Variants in LPA observed in about 807,000 individuals in gnomAD.
The protein encoded by LPA is apolipoprotein(a).
In LPA, 199 loss-of-function variants were observed where a neutral mutation model predicts 197.9. That is an observed-to-expected ratio of 1.01 (90% CI 0.90 to 1.13). The LOEUF is 1.13. Ranked by LOEUF, LPA falls within the 50% of genes most tolerant of loss-of-function variation. The pLI, the probability that LPA is intolerant of heterozygous loss-of-function variation, is 0.00. For missense variants in LPA, 1,853 were observed against 1,785.8 expected, an observed-to-expected ratio of 1.04 and a Z score of -0.68; for synonymous variants, 715 against 639.5, an observed-to-expected ratio of 1.12 and a Z score of -1.78.
chr6:160,560,192 A>G (rs896847455), intron 28 of LPA, among the ~76,000 whole-genome samples: 1 of 152,160 alleles, frequency 6.6e-6, no homozygotes, highest in East Asian at 1.9e-4. Flanking sequence ...TCTATCATTG[A>G]TGGGCATTTC....
At chr6:160,578,959 C>T (rs535040197) in intron 26 of LPA, among the ~76,000 whole-genome samples, 34 of 152,304 alleles carry the variant, frequency 2.2e-4, no homozygotes, top group African/African-American at 8.2e-4. Context: ...TGAGATAATA[C>T]ATGTCTGTAC....
intron 2 of LPA, among the ~76,000 whole-genome samples, chr6:160,648,007 A>T (rs1454471437): frequency 3.9e-5 from 6 of 152,154 alleles, no homozygotes; most frequent in Non-Finnish European, 7.4e-5. Context: ...AAGCCTGCTG[A>T]TTCCAAAGTC....
chr6:160,546,970 A>G (rs577232089), intron 32 of LPA, among the ~76,000 whole-genome samples: 1 of 152,310 alleles, frequency 6.6e-6, no homozygotes, highest in South Asian at 2.1e-4. Flanking sequence ...CATAGAGGGC[A>G]TCTCTGACTA....
At chr6:160,593,371 T>C (rs1779067298) in intron 22 of LPA, among the ~76,000 whole-genome samples, 1 of 152,106 alleles carries the variant, frequency 6.6e-6, no homozygotes, top group Admixed American at 6.6e-5. Context: ...CTGAACTGGG[T>C]TTCTGTCCAT....
rs200920617 is a variant in LPA, at chr6:160,578,515, T to C, written c.4471+8A>G. On this transcript the variant is annotated splice_region_variant and intron_variant, in intron 27 of 38. Coordinates refer to ENST00000316300, the MANE Select transcript of LPA (RefSeq NM_005577.4). Reference sequence around the variant, plus strand: ...CAGTATATAGATGTCTAACCACAAATTTCTTACCTTGTTCAGAAGGAGCCT... The same window carrying C: ...CAGTATATAGATGTCTAACCACAAACTTCTTACCTTGTTCAGAAGGAGCCT... The C allele has an allele frequency of 6.8e-5, 109 of 1,613,664 alleles. No homozygotes were observed. Among genetic ancestry groups the C allele is most frequent in the Non-Finnish European group, 8.8e-5 (104 of 1,179,732 alleles).
At chr6:160,660,756 G>A (rs1354358966) in intron 1 of LPA, among the ~76,000 whole-genome samples, 2 of 150,854 alleles carry the variant, frequency 1.3e-5, no homozygotes, top group African/African-American at 2.4e-5. Context: ...CTCATCTTGG[G>A]CAAAAATTAA....
At chr6:160,576,026 A>G (rs902235428) in intron 28 of LPA, among the ~76,000 whole-genome samples, 5 of 152,086 alleles carry the variant, frequency 3.3e-5, no homozygotes, top group Non-Finnish European at 5.9e-5. Flanking sequence ...GATGAAATAC[A>G]GCACACTTAT....
intron 28 of LPA, among the ~76,000 whole-genome samples, chr6:160,568,269 A>T (rs1778499225): frequency 6.6e-6 from 1 of 152,242 alleles, no homozygotes; most frequent in Non-Finnish European, 1.5e-5. Context: ...ATCCAGCAGC[A>T]CATCAAAAAG....
chr6:160,653,765 AC>A (rs1361468719), intron 1 of LPA, among the ~76,000 whole-genome samples: 7 of 148,672 alleles, frequency 4.7e-5, no homozygotes, highest in Non-Finnish European at 1.0e-4. Flanking sequence ...TCAATAAAAT[AC>A]CAGCAATTGA....
chr6:160,592,303 T>G (rs189391597), intron 22 of LPA, among the ~76,000 whole-genome samples: 1 of 152,348 alleles, frequency 6.6e-6, no homozygotes, highest in East Asian at 1.9e-4. Flanking sequence ...CACCTTTTCC[T>G]ACCATAATAT....
intron 2 of LPA, among the ~76,000 whole-genome samples, chr6:160,647,163 TG>T (rs1779903657): frequency 1.3e-5 from 2 of 152,008 alleles, no homozygotes; most frequent in Non-Finnish European, 2.9e-5. Context: ...ACTCCAGAAC[TG>T]GGGGATGAGT....
intron 27 of LPA, among the ~76,000 whole-genome samples, chr6:160,577,588 G>T (rs1219063059): frequency 1.3e-5 from 2 of 152,150 alleles, no homozygotes; most frequent in African/African-American, 2.4e-5. Context: ...GTTTTCATGA[G>T]AACCACAGGG....
At chr6:160,577,428 A>G in intron 27 of LPA, 133 bp from the exon 28 acceptor site, 3 of 747,610 alleles carry the variant, frequency 4.0e-6, no homozygotes, top group Middle Eastern at 2.4e-4. Context: ...TAGCAAAAGG[A>G]TGTGAAAAGA....
chr6:160,536,194 T>C (rs1036957981), intron 37 of LPA, among the ~76,000 whole-genome samples: 3 of 152,148 alleles, frequency 2.0e-5, no homozygotes, highest in Non-Finnish European at 4.4e-5. Flanking sequence ...TCTGCAGCCA[T>C]GGGAATGTCA....
chr6:160,566,918 G>A (rs1722595491), intron 28 of LPA, among the ~76,000 whole-genome samples: 1 of 152,130 alleles, frequency 6.6e-6, no homozygotes, highest in South Asian at 2.1e-4. Context: ...TAATGGTAAA[G>A]GGACCAATTT....
At chr6:160,658,008 G>T (rs991638801) in intron 1 of LPA, among the ~76,000 whole-genome samples, 2 of 152,254 alleles carry the variant, frequency 1.3e-5, no homozygotes, top group East Asian at 3.9e-4. Flanking sequence ...TGCCTCTTGA[G>T]GAGAATCAAC....
rs9364563 is a variant in LPA at position 160,574,932 on chromosome 6, C to T, written c.4631+2204G>A. Among the ~76,000 whole-genome samples the T allele has an allele frequency of 1.9e-3, 291 of 152,264 alleles. 9 individuals are homozygous for T. The East Asian group carries it at 0.052, about 27-fold the overall frequency. ...CTGCCTCCTGTCTGCCACGATCCCT[C>T]ACCTCTTGGGTTTTTCTTCTATTAC... On this transcript the variant is annotated intron_variant, in intron 28 of 38. Coordinates refer to ENST00000316300, the MANE Select transcript of LPA (RefSeq NM_005577.4).
At position 160,532,405 on chromosome 6, in the gene LPA, G is replaced by A. The variant is rs936565980; in HGVS notation, c.5961+126C>T. 11 of 783,538 alleles carry A rather than the reference G, an allele frequency of 1.4e-5. No individual in the cohort carries two copies. The Admixed American group carries it at 1.7e-4, about 12-fold the overall frequency. 48.5% of individuals were successfully genotyped at this position (783,538 alleles called of 1,614,324 possible). On this transcript the variant is annotated intron_variant, in intron 38 of 38. Transcript: ENST00000316300. ...AGGGACAGATCTGGGGAGTTTCTGA[G>A]CAACACTTAGACTGGGGTCTTCCAC...
chr6:160,596,156 A>G (rs1176897026), intron 20 of LPA, among the ~76,000 whole-genome samples: 1 of 152,216 alleles, frequency 6.6e-6, no homozygotes, highest in African/African-American at 2.4e-5. Flanking sequence ...TTCAGCTTTC[A>G]GAACTGGAAG....
Sources: allele counts gnomAD v4.1 joint callset (sites outside exome capture counted in the v4.1 genomes callset), GRCh38; gene constraint gnomAD v4.1.1; transcripts MANE v1.5; gene names NCBI Gene and HGNC (gene_info 2026-07-23, HGNC 2026-07-21).